The following ASTN2 variants were observed in gnomAD, a reference collection of about 807,000 sequenced individuals.
ASTN2 encodes astrotactin 2, also known as astrotactin-2.
A neutral mutation model predicts 139.8 loss-of-function variants in ASTN2; 54 were observed. That is an observed-to-expected ratio of 0.39 (90% CI 0.31 to 0.48). The LOEUF (loss-of-function observed/expected upper bound fraction) is 0.48. Among genes scored for constraint, ASTN2 ranks in the 20% least tolerant of loss-of-function variants. The pLI, the probability that ASTN2 is intolerant of heterozygous loss-of-function variation, is 0.95. For synonymous variants in ASTN2, 756 were observed against 719.5 expected, an observed-to-expected ratio of 1.05 and a Z score of -0.81; for missense variants, 1,565 against 1,725.1, an observed-to-expected ratio of 0.91 and a Z score of 1.64.
intron 2 of ASTN2, among the ~76,000 whole-genome samples, chr9:117,284,254 C>T (rs995351213): frequency 1.3e-5 from 2 of 152,152 alleles, no homozygotes; most frequent in African/African-American, 4.8e-5. Context: ...CAGGCTCACA[C>T]CACCAAGGCC....
chr9:116,957,831 C>T (rs907906387), intron 10 of ASTN2, among the ~76,000 whole-genome samples: 4 of 152,172 alleles, frequency 2.6e-5, no homozygotes, highest in African/African-American at 9.7e-5. Flanking sequence ...CAGGCACATG[C>T]CACCACATCC....
intron 6 of ASTN2, among the ~76,000 whole-genome samples, chr9:117,033,418 GA>G (rs1157663391): frequency 3.3e-5 from 5 of 151,638 alleles, no homozygotes; most frequent in Admixed American, 3.3e-4. Flanking sequence ...AAAGCTTTAT[GA>G]GCATTATTTC....
At chr9:116,702,317 G>A (rs997828625) in intron 16 of ASTN2, among the ~76,000 whole-genome samples, 1 of 152,008 alleles carries the variant, frequency 6.6e-6, no homozygotes, top group African/African-American at 2.4e-5. Context: ...GCACCTGATG[G>A]TGGGAAGTGG....
chr9:117,326,085 G>C (rs1379987771), intron 1 of ASTN2, among the ~76,000 whole-genome samples: 1 of 152,074 alleles, frequency 6.6e-6, no homozygotes, highest in African/African-American at 2.4e-5. Context: ...AGTTTTGGCA[G>C]CTCTTCTAAT....
At chr9:116,887,842 AT>A (rs376675149) in intron 10 of ASTN2, among the ~76,000 whole-genome samples, 145 of 151,538 alleles carry the variant, frequency 9.6e-4, no homozygotes, top group African/African-American at 3.2e-3. Flanking sequence ...TAAGTTTTAT[AT>A]TTTTTTTAGA....
intron 19 of ASTN2, among the ~76,000 whole-genome samples, chr9:116,546,353 A>G (rs1288437966): frequency 1.3e-5 from 2 of 152,172 alleles, no homozygotes; most frequent in African/African-American, 4.8e-5. Flanking sequence ...ATAGGGTAGG[A>G]GGGACATTGT....
chr9:117,105,752 C>A (rs1829086940), intron 4 of ASTN2, among the ~76,000 whole-genome samples: 1 of 152,178 alleles, frequency 6.6e-6, no homozygotes, highest in Non-Finnish European at 1.5e-5. Flanking sequence ...TGTCCAGAGA[C>A]CCTGGTCCTA....
chr9:116,719,751 G>T (rs936893759), intron 16 of ASTN2, among the ~76,000 whole-genome samples: 8 of 151,996 alleles, frequency 5.3e-5, no homozygotes, highest in African/African-American at 1.9e-4. Flanking sequence ...TGTTGCAGAA[G>T]AGGATGAACC....
At chr9:116,748,245 TG>T (rs1175431589) in intron 13 of ASTN2, among the ~76,000 whole-genome samples, 4 of 152,134 alleles carry the variant, frequency 2.6e-5, no homozygotes, top group African/African-American at 9.7e-5. Flanking sequence ...AAACACAAAT[TG>T]AAACCTAAAG....
intron 7 of ASTN2, among the ~76,000 whole-genome samples, chr9:116,993,756 A>G (rs1024204006): frequency 6.8e-6 from 1 of 147,378 alleles, no homozygotes; most frequent in African/African-American, 2.5e-5. Flanking sequence ...CATATACTCT[A>G]TATATGTATA....
At chr9:116,539,571 C>T (rs995134786) in intron 19 of ASTN2, among the ~76,000 whole-genome samples, 16 of 152,178 alleles carry the variant, frequency 1.1e-4, no homozygotes, top group Admixed American at 3.3e-4. Flanking sequence ...GTAGTCCCCA[C>T]TTTCCAGGGA....
At position 116,618,376 on chromosome 9, in the gene ASTN2, A is replaced by G; in HGVS notation, c.3303T>C (p.Tyr1101=). The part of the protein sequence containing the change: ...QPAIGTKVSD[Y]ILQHKKVDEY... Reference sequence around the variant, plus strand: ...CATCCACTTTCTTATGCTGCAGAATATAGTCGGAGACCTTGGTCCCAATAG... The same window carrying G: ...CATCCACTTTCTTATGCTGCAGAATGTAGTCGGAGACCTTGGTCCCAATAG... The change falls in exon 19 of 23, where the codon TAT becomes TAC. Residue 1101 remains tyrosine, a synonymous_variant. Coordinates refer to ENST00000313400, the MANE Select transcript of ASTN2 (RefSeq NM_001365068.1). 6.2e-7 allele frequency: 1 copy of G among 1,614,176 alleles called. No individual in the cohort carries two copies. The highest frequency in any genetic ancestry group is 8.5e-7 in the Non-Finnish European group (1 of 1,179,994).
intron 5 of ASTN2, among the ~76,000 whole-genome samples, chr9:117,088,113 T>C (rs748818119): frequency 6.6e-6 from 1 of 152,204 alleles, no homozygotes; most frequent in Non-Finnish European, 1.5e-5. Context: ...ATGGATTACC[T>C]TTAGAGTGAA....
intron 19 of ASTN2, among the ~76,000 whole-genome samples, chr9:116,614,938 C>G (rs1588085754): frequency 6.6e-6 from 1 of 152,234 alleles, no homozygotes. Context: ...GAACAGGCAA[C>G]CTACAGAATG....
chr9:116,812,026 A>T (rs1588313062), intron 12 of ASTN2, among the ~76,000 whole-genome samples: 1 of 152,164 alleles, frequency 6.6e-6, no homozygotes. Flanking sequence ...TTACATGTGG[A>T]ATTATCATAT....
At chr9:116,780,510 G>T (rs4837858) in intron 13 of ASTN2, among the ~76,000 whole-genome samples, 59,386 of 152,018 alleles carry the variant, frequency 0.39, 13,781 homozygotes, top group Non-Finnish European at 0.52. Context: ...TTTGAAAGGT[G>T]TGAGAAGCAA....
chr9:116,754,518 T>A lies in ASTN2; in HGVS notation c.2397-20995A>T, dbSNP rs1474510962. Among the ~76,000 whole-genome samples the A allele has an allele frequency of 3.9e-5, 6 of 152,204 alleles. No homozygotes were observed. In the South Asian group the frequency reaches 6.2e-4, roughly 16 times the overall value. On this transcript the variant is annotated intron_variant, in intron 13 of 22. Transcript: ENST00000313400. Reference sequence around the variant, plus strand: ...GATTGCCATTCTAACTGGTGTGATGTCCACCTATTTTTGTAAATAATGTTA... The same window carrying A: ...GATTGCCATTCTAACTGGTGTGATGACCACCTATTTTTGTAAATAATGTTA...
intron 4 of ASTN2, among the ~76,000 whole-genome samples, chr9:117,140,154 T>G (rs1830040110): frequency 6.6e-6 from 1 of 152,172 alleles, no homozygotes; most frequent in South Asian, 2.1e-4. Context: ...TGGAATAAGT[T>G]AAGAGTCAAT....
intron 2 of ASTN2, among the ~76,000 whole-genome samples, chr9:117,263,881 T>C (rs1833881908): frequency 6.6e-6 from 1 of 152,052 alleles, no homozygotes; most frequent in Admixed American, 6.5e-5. Context: ...GAAATCTAAA[T>C]TGAGGCTAGG....
Sources: allele counts gnomAD v4.1 joint callset (sites outside exome capture counted in the v4.1 genomes callset), GRCh38; gene constraint gnomAD v4.1.1; transcripts MANE v1.5; gene names NCBI Gene and HGNC (gene_info 2026-07-23, HGNC 2026-07-21).